MACROD2: variants seen among roughly 807,000 people sequenced by gnomAD.
MACROD2 encodes the protein mono-ADP ribosylhydrolase 2.
MACROD2 carries 36 observed loss-of-function variants against 70.4 expected under a neutral mutation model. That is an observed-to-expected ratio of 0.51 (90% confidence interval 0.39 to 0.68). The LOEUF is 0.68. MACROD2 is among the 30% of genes least tolerant of loss of function. The pLI, the probability that MACROD2 is intolerant of heterozygous loss-of-function variation, is 0.00. For synonymous variants in MACROD2, 172 were observed against 178.8 expected (o/e 0.96, Z 0.30); for missense variants, 496 against 538.4 (o/e 0.92, Z 0.78).
chr20:15,958,030 C>CT (rs1191057005), intron 12 of MACROD2, among the ~76,000 whole-genome samples: 8 of 152,346 alleles, frequency 5.3e-5, no homozygotes, highest in African/African-American at 1.9e-4. Context: ...GAGGATTATT[C>CT]AGTCCTTAGA....
chr20:14,289,759 C>T (rs914414398), intron 3 of MACROD2, among the ~76,000 whole-genome samples: 1 of 152,170 alleles, frequency 6.6e-6, no homozygotes, highest in Non-Finnish European at 1.5e-5. Flanking sequence ...CCAGTCTGGT[C>T]TTGAACTCCT....
chr20:14,654,575 A>G, intron 4 of MACROD2, among the ~76,000 whole-genome samples: 1 of 152,114 alleles, frequency 6.6e-6, no homozygotes, highest in Non-Finnish European at 1.5e-5. Context: ...TTCTTTGAAA[A>G]CTTGTTTTCT....
chr20:15,669,953 C>T (rs1403598825), intron 8 of MACROD2, among the ~76,000 whole-genome samples: 1 of 152,140 alleles, frequency 6.6e-6, no homozygotes, highest in Non-Finnish European at 1.5e-5. Flanking sequence ...TGTGCATTAC[C>T]TAATGTAATC....
chr20:14,173,551 A>G (rs2081240464), intron 3 of MACROD2, among the ~76,000 whole-genome samples: 1 of 151,886 alleles, frequency 6.6e-6, no homozygotes, highest in Admixed American at 6.6e-5. Context: ...ATTTATTTGG[A>G]CTTCACCTTT....
intron 8 of MACROD2, among the ~76,000 whole-genome samples, chr20:15,522,106 C>G (rs2047661044): frequency 6.6e-6 from 1 of 152,130 alleles, no homozygotes. Context: ...TATGCAGGGT[C>G]AGGACTAGGG....
intron 3 of MACROD2, among the ~76,000 whole-genome samples, chr20:14,338,090 A>T (rs2082970148): frequency 6.6e-6 from 1 of 152,222 alleles, no homozygotes; most frequent in African/African-American, 2.4e-5. Flanking sequence ...CAACATATGA[A>T]TAAACAGCAG....
intron 6 of MACROD2, among the ~76,000 whole-genome samples, chr20:15,340,382 C>T (rs547229907): frequency 3.3e-5 from 5 of 151,828 alleles, no homozygotes; most frequent in South Asian, 2.1e-4. Flanking sequence ...ATGATCCATC[C>T]GCCTCGGACT....
chr20:14,492,804 A>G (rs1455184877), intron 3 of MACROD2, among the ~76,000 whole-genome samples: 1 of 152,106 alleles, frequency 6.6e-6, no homozygotes, highest in Non-Finnish European at 1.5e-5. Flanking sequence ...GTTGTTTAAT[A>G]CTTCAGCAGA....
rs943933467 is a variant in MACROD2 at position 14,487,735 on chromosome 20, C to A, written c.272-5744C>A. 2.6e-4 allele frequency among the ~76,000 whole-genome samples: 40 copies of A among 152,112 alleles called. 1 individual carries two copies. The highest frequency in any genetic ancestry group is 9.4e-4 in the African/African-American group (39 of 41,424). Reference sequence around the variant, plus strand: ...TGGATTTTACAGCTTAATAAGAATTCTCAGGGGATTCATCGTATGGATTTC... The same window carrying A: ...TGGATTTTACAGCTTAATAAGAATTATCAGGGGATTCATCGTATGGATTTC... On this transcript the variant is annotated intron_variant, in intron 3 of 17. Transcript: ENST00000684519.
intron 9 of MACROD2, among the ~76,000 whole-genome samples, chr20:15,864,316 A>G (rs1310227386): frequency 1.3e-5 from 2 of 152,204 alleles, no homozygotes; most frequent in Non-Finnish European, 2.9e-5. Context: ...AAGTATTGTT[A>G]AAAGAAAATG....
chr20:15,433,459 CAAA>C (rs60298297), intron 7 of MACROD2, among the ~76,000 whole-genome samples: 3 of 88,250 alleles, frequency 3.4e-5, no homozygotes, highest in African/African-American at 5.2e-5. Flanking sequence ...ACAAGAGCTG[CAAA>C]AAAAAAAAAA....
intron 8 of MACROD2, among the ~76,000 whole-genome samples, chr20:15,637,045 C>A (rs1398696673): frequency 6.6e-6 from 1 of 152,120 alleles, no homozygotes; most frequent in East Asian, 1.9e-4. Context: ...GATTCAGCTC[C>A]ATAAAAGAGT....
intron 3 of MACROD2, among the ~76,000 whole-genome samples, chr20:14,234,342 C>T (rs528278078): frequency 8.6e-4 from 131 of 152,238 alleles, no homozygotes; most frequent in Non-Finnish European, 1.4e-3. Context: ...TGAATTTAAA[C>T]AATTTAAAAA....
intron 6 of MACROD2, among the ~76,000 whole-genome samples, chr20:15,307,693 C>A (rs1180453622): frequency 2.6e-5 from 4 of 152,024 alleles, no homozygotes; most frequent in African/African-American, 9.7e-5. Context: ...AATTTATGCA[C>A]CTTGTTCAAA....
intron 9 of MACROD2, among the ~76,000 whole-genome samples, chr20:15,881,866 T>C (rs2064759378): frequency 6.6e-6 from 1 of 152,104 alleles, no homozygotes; most frequent in Non-Finnish European, 1.5e-5. Flanking sequence ...AGAAGCAAGA[T>C]GGAGTCTGCT....
At chr20:15,285,360 T>A (rs1396612806) in intron 6 of MACROD2, among the ~76,000 whole-genome samples, 1 of 152,192 alleles carries the variant, frequency 6.6e-6, no homozygotes, top group Admixed American at 6.5e-5. Context: ...TTTTTATCTA[T>A]CTTAGCTATC....
At chr20:15,435,954 T>C (rs1309992165) in intron 7 of MACROD2, among the ~76,000 whole-genome samples, 1 of 152,198 alleles carries the variant, frequency 6.6e-6, no homozygotes, top group East Asian at 1.9e-4. Context: ...TCTTCAGTCC[T>C]GGCTACTTGT....
intron 5 of MACROD2, among the ~76,000 whole-genome samples, chr20:14,931,587 G>A (rs138423633): frequency 9.9e-5 from 15 of 152,202 alleles, no homozygotes; most frequent in Non-Finnish European, 1.9e-4. Flanking sequence ...ATTGGTAAAC[G>A]TTGTAAAGTT....
At chr20:15,555,668 C>T (rs1033894389) in intron 8 of MACROD2, among the ~76,000 whole-genome samples, 2 of 151,226 alleles carry the variant, frequency 1.3e-5, no homozygotes, top group African/African-American at 4.9e-5. Context: ...CGGTGAAACC[C>T]CATCTCTACT....
Sources: allele counts gnomAD v4.1 joint callset (sites outside exome capture counted in the v4.1 genomes callset), GRCh38; gene constraint gnomAD v4.1.1; transcripts MANE v1.5; gene names NCBI Gene and HGNC (gene_info 2026-07-23, HGNC 2026-07-21).